CDKL5: variants seen among roughly 807,000 people sequenced by gnomAD.
CDKL5 encodes cyclin dependent kinase like 5.
A neutral mutation model predicts 61.7 loss-of-function variants in CDKL5; 8 were observed. The ratio of observed to expected loss-of-function variants is 0.13; its 90% confidence interval spans 0.08 to 0.23. CDKL5 has a LOEUF of 0.23. Ranked by LOEUF, CDKL5 falls within the 10% of genes least tolerant of loss-of-function variation. CDKL5 has a pLI of 1.00. For missense variants in CDKL5, 440 were observed against 734.5 expected (o/e 0.60, Z 4.63); for synonymous variants, 275 against 272.3 (o/e 1.01, Z -0.10).
chrX:18,626,057 C>T (rs1385449611), intron 17 of CDKL5, among the ~76,000 whole-genome samples: 1 of 106,559 alleles, frequency 9.4e-6, no homozygotes, highest in Non-Finnish European at 1.9e-5. Flanking sequence ...ATTGGGAGAG[C>T]GGACTACTGT....
rs145381728 is a variant in CDKL5 at position 18,472,533 on chromosome X, C to T, written c.-162-34402C>T. Among the ~76,000 whole-genome samples the T allele has an allele frequency of 4.7e-3, 529 of 111,641 alleles. 1 individual carries two copies. Among genetic ancestry groups the T allele is most frequent in the Non-Finnish European group, 8.2e-3 (437 of 53,151 alleles). ...AAGACATTGTGCTGTCCTTCTGAAA[C>T]GATAATATTCCACTCTAGCAATAAT... On this transcript the variant is annotated intron_variant, in intron 1 of 17. Transcript: ENST00000623535.
intron 1 of CDKL5, among the ~76,000 whole-genome samples, chrX:18,495,677 T>C (rs1269693450): frequency 8.9e-6 from 1 of 111,896 alleles, no homozygotes; most frequent in Non-Finnish European, 1.9e-5. Flanking sequence ...ACAGGCCTTC[T>C]GTGTTCCTTG....
rs1325769604 is a variant in CDKL5, at chrX:18,631,385, A to G, written c.*2628A>G. The stretch of plus-strand genomic sequence containing the variant: ...TCCAATAAGCTGTAAGTGAACTACA[A>G]TCTGCATTTCCAGCATGCAATTCTC... On this transcript the variant is annotated 3_prime_UTR_variant, in exon 18 of 18. Transcript: ENST00000623535. 1 of 752,995 alleles carries G rather than the reference A, an allele frequency of 1.3e-6. No homozygotes were observed. Among genetic ancestry groups the G allele is most frequent in the Non-Finnish European group, 1.6e-6 (1 of 639,199 alleles). The allele number at this position is 752,995 out of a possible 1,213,427, so 62.1% of individuals were successfully genotyped here. A position where few individuals can be genotyped will look rare whatever the true frequency, so the allele number is the denominator to read the frequency against.
chrX:18,545,778 C>T (rs1924171675), intron 3 of CDKL5, among the ~76,000 whole-genome samples: 1 of 112,084 alleles, frequency 8.9e-6, no homozygotes, highest in African/African-American at 3.3e-5. Flanking sequence ...ATACCATTGA[C>T]TCTTAAATTT....
chrX:18,538,952 A>G (rs5909188), intron 3 of CDKL5, among the ~76,000 whole-genome samples: 8,696 of 111,822 alleles, frequency 0.078, 356 homozygotes, highest in Middle Eastern at 0.15. Context: ...ATCTTGGTTA[A>G]CTTTTGGTAG....
intron 1 of CDKL5, among the ~76,000 whole-genome samples, chrX:18,489,056 T>A (rs1200006804): frequency 8.9e-6 from 1 of 111,784 alleles, no homozygotes; most frequent in African/African-American, 3.2e-5. Context: ...ATTCTATAGA[T>A]AATCCCCTTC....
chrX:18,604,311 A>G lies in CDKL5; in HGVS notation c.1387A>G (p.Lys463Glu), dbSNP rs770224409. 1.7e-6 allele frequency: 2 copies of G among 1,209,521 alleles called. No individual in the cohort carries two copies. Among genetic ancestry groups the G allele is most frequent in the Non-Finnish European group, 1.1e-6 (1 of 894,853 alleles). The change falls in exon 12 of 18, where the codon AAG (lysine) becomes GAG (glutamate). Residue 463 changes from lysine (K) to glutamate (E), a missense_variant. By Grantham distance (56) the Lys-to-Glu change is moderately conservative. Coordinates refer to ENST00000623535, the MANE Select transcript of CDKL5 (RefSeq NM_001323289.2). ...AGCTGGGACACTGCAGCCCAATGAA[A>G]AGCAGAGTCGGCATAGCTATATTGA... Reference protein sequence around the residue: ...SKAGTLQPNEKQSRHSYIDTI... With the variant: ...SKAGTLQPNEEQSRHSYIDTI...
rs761553890 is a variant in CDKL5 at position 18,464,777 on chromosome X, G to C, written c.-163+39082G>C. Among the ~76,000 whole-genome samples, 80 of 111,714 alleles carry C rather than the reference G, an allele frequency of 7.2e-4. No homozygotes were observed. The Admixed American group carries it at 7.2e-3, about 10-fold the overall frequency. ...TACCCCAGGTTCAGGCAATAACAAA[G>C]TGCATTTTCTTTAGGGAATTTAAAA... On this transcript the variant is annotated intron_variant, in intron 1 of 17. Coordinates refer to ENST00000623535, the MANE Select transcript of CDKL5 (RefSeq NM_001323289.2).
intron 1 of CDKL5, among the ~76,000 whole-genome samples, chrX:18,463,948 C>T (rs768433953): frequency 4.7e-4 from 52 of 111,117 alleles, no homozygotes; most frequent in African/African-American, 1.6e-3. Context: ...AATAGTTTGC[C>T]CATTTCTTAG....
At chrX:18,432,705 C>T (rs1244877099) in intron 1 of CDKL5, among the ~76,000 whole-genome samples, 3 of 107,429 alleles carry the variant, frequency 2.8e-5, no homozygotes, top group Non-Finnish European at 1.9e-5. Context: ...TCCCCAGGCT[C>T]AAGTGATCCT....
At chrX:18,519,992 G>A (rs149541087) in intron 3 of CDKL5, among the ~76,000 whole-genome samples, 3 of 111,689 alleles carry the variant, frequency 2.7e-5, no homozygotes, top group East Asian at 5.6e-4. Context: ...GGGGAAACTG[G>A]TGCTCGAATA....
intron 14 of CDKL5, among the ~76,000 whole-genome samples, chrX:18,611,564 G>A (rs1333203060): frequency 9.0e-6 from 1 of 110,973 alleles, no homozygotes; most frequent in Non-Finnish European, 1.9e-5. Flanking sequence ...CCTCCAAAAT[G>A]TAGCATAGGT....
chrX:18,567,122 T>G lies in CDKL5; in HGVS notation c.145+2600T>G, dbSNP rs1320012395. ...TACTCTCTTTTTTCTGTCTTTACCC[T>G]TTTCCTCTGGCTGGAGTAGTGTCTT... is the stretch of plus-strand genomic sequence containing the variant. On this transcript the variant is annotated intron_variant, in intron 4 of 17. Transcript: ENST00000623535. Among the ~76,000 whole-genome samples, 2 of 112,080 alleles carry G rather than the reference T, an allele frequency of 1.8e-5. 1 individual carries two copies. Among genetic ancestry groups the G allele is most frequent in the African/African-American group, 6.5e-5 (2 of 30,830 alleles).
intron 16 of CDKL5, among the ~76,000 whole-genome samples, chrX:18,622,101 A>T (rs1371503134): frequency 8.9e-6 from 1 of 112,108 alleles, no homozygotes; most frequent in Non-Finnish European, 1.9e-5. Context: ...CATTAAACCT[A>T]AAGTCCCTGG....
chrX:18,549,190 C>T (rs912908937), intron 3 of CDKL5, among the ~76,000 whole-genome samples: 4 of 112,164 alleles, frequency 3.6e-5, no homozygotes, highest in African/African-American at 1.3e-4. Flanking sequence ...CAGTGAGCAA[C>T]TTGCTCTGTA....
chrX:18,624,224 G>T (rs1379016950), intron 16 of CDKL5, among the ~76,000 whole-genome samples: 1 of 112,187 alleles, frequency 8.9e-6, no homozygotes, highest in African/African-American at 3.2e-5. Flanking sequence ...CTAGTGAAAG[G>T]CTAGTTTGTC....
intron 3 of CDKL5, among the ~76,000 whole-genome samples, chrX:18,559,457 T>G (rs977632015): frequency 7.3e-5 from 8 of 110,267 alleles, no homozygotes; most frequent in Non-Finnish European, 1.3e-4. Flanking sequence ...TCCGCCCACC[T>G]CGGCCTCTCA....
intron 21 of CDKL5, among the ~76,000 whole-genome samples, chrX:18,650,971 C>A (rs772710166): frequency 3.6e-5 from 4 of 112,143 alleles, no homozygotes; most frequent in Non-Finnish European, 7.5e-5. Flanking sequence ...TGCCAAAAAG[C>A]AGCAGGTGCA....
Position 18,497,088 on chromosome X carries a change from G to A in CDKL5, c.-162-9847G>A, listed in dbSNP as rs145201874. On this transcript the variant is annotated intron_variant, in intron 1 of 17. Coordinates refer to ENST00000623535, the MANE Select transcript of CDKL5 (RefSeq NM_001323289.2). ...GCTTACTGTAACCTCTGCCTCCTGG[G>A]TTCAAGCAATTCTCCTGCCTCAGCC... 6.7e-3 allele frequency among the ~76,000 whole-genome samples: 734 copies of A among 109,513 alleles called. 2 individuals are homozygous for A. Among genetic ancestry groups the A allele is most frequent in the Middle Eastern group, 0.014 (3 of 218 alleles).
Sources: allele counts gnomAD v4.1 joint callset (sites outside exome capture counted in the v4.1 genomes callset), GRCh38; gene constraint gnomAD v4.1.1; transcripts MANE v1.5; gene names NCBI Gene and HGNC (gene_info 2026-07-23, HGNC 2026-07-21).